Variants in CSMD2 observed in about 807,000 individuals in gnomAD.
The protein encoded by CSMD2 is CUB and Sushi multiple domains 2.
In CSMD2, 130 loss-of-function variants were observed where a neutral mutation model predicts 398.5. The observed-to-expected ratio is 0.33, with a 90% CI of 0.28 to 0.38. CSMD2 has a LOEUF of 0.38. Among genes scored for constraint, CSMD2 ranks in the 10% least tolerant of loss-of-function variants. The probability of loss-of-function intolerance (pLI) is 1.00; values close to 1 mark genes in which losing one functional copy is unlikely to be tolerated. For missense variants in CSMD2, 3,829 were observed against 4,764.9 expected (o/e 0.80, Z 5.78); for synonymous variants, 1,828 against 1,908.5 (o/e 0.96, Z 1.10).
At chr1:34,013,609 C>G (rs535560693) in intron 3 of CSMD2, among the ~76,000 whole-genome samples, 1 of 152,250 alleles carries the variant, frequency 6.6e-6, no homozygotes, top group South Asian at 2.1e-4. Flanking sequence ...TGATCTGCCC[C>G]TTCTTAGACC....
At chr1:33,894,573 G>C (rs550301739) in intron 5 of CSMD2, among the ~76,000 whole-genome samples, 2 of 152,148 alleles carry the variant, frequency 1.3e-5, no homozygotes. Flanking sequence ...GTCCCTGTGG[G>C]ATTATGGCCC....
intron 5 of CSMD2, among the ~76,000 whole-genome samples, chr1:33,881,420 T>C (rs548680493): frequency 2.0e-5 from 3 of 152,250 alleles, no homozygotes; most frequent in Non-Finnish European, 2.9e-5. Context: ...CCTGAATTAG[T>C]TCTTGAAAAA....
At chr1:33,532,571 C>G (rs1470847412) in intron 64 of CSMD2, among the ~76,000 whole-genome samples, 1 of 152,204 alleles carries the variant, frequency 6.6e-6, no homozygotes, top group Non-Finnish European at 1.5e-5. Context: ...TGTCTGTCTT[C>G]CACATGGCAG....
chr1:33,524,360 T>C (rs548577818), intron 66 of CSMD2, among the ~76,000 whole-genome samples: 34 of 152,252 alleles, frequency 2.2e-4, no homozygotes, highest in Non-Finnish European at 4.3e-4. Flanking sequence ...ATGTAATTAA[T>C]GGGTCCAATC....
intron 5 of CSMD2, chr1:33,864,673 G>A (rs759105562): frequency 3.5e-5 from 57 of 1,613,696 alleles, no homozygotes; most frequent in Non-Finnish European, 4.7e-5. Context: ...GAACTCTACC[G>A]TAAACAATGT....
intron 3 of CSMD2, among the ~76,000 whole-genome samples, chr1:34,011,997 T>G (rs1366038580): frequency 6.6e-6 from 1 of 152,186 alleles, no homozygotes; most frequent in Non-Finnish European, 1.5e-5. Context: ...CTACTGACAG[T>G]GAGACTATAA....
chr1:33,611,161 T>C lies in CSMD2; in HGVS notation c.6223A>G (p.Met2075Val). 1 of 1,614,034 alleles carries C rather than the reference T, an allele frequency of 6.2e-7. No individual in the cohort carries two copies. Among genetic ancestry groups the C allele is most frequent in the Non-Finnish European group, 8.5e-7 (1 of 1,180,006 alleles). Residue 2075 changes from methionine (M) to valine (V), a missense_variant, in exon 41 of 71, where the codon ATG becomes GTG. Around this residue, in one of 5 missense-constraint regions of CSMD2, gnomAD observed 2,001 missense variants for 2,567.1 expected, o/e 0.78. Coordinates refer to ENST00000373381, the MANE Select transcript of CSMD2 (RefSeq NM_001281956.2). Reference protein sequence around the residue: ...RNGPYETSRMMGRFSGSELPS... With the variant: ...RNGPYETSRMVGRFSGSELPS... ...AGCTCGCTTCCACTGAATCTTCCCA[T>C]CATGCGGCTGGTCTCATAGGGGCCA... is the stretch of plus-strand genomic sequence containing the variant.
intron 5 of CSMD2, among the ~76,000 whole-genome samples, chr1:33,880,048 G>C (rs533796386): frequency 2.0e-5 from 3 of 152,282 alleles, no homozygotes; most frequent in Non-Finnish European, 2.9e-5. Flanking sequence ...AGCTTGAAAG[G>C]TTAAGTAAAT....
chr1:33,724,637 A>G lies in CSMD2; in HGVS notation c.2763T>C (p.Asn921=). ...TCACCAGCGCGCCCACGTAGAAGTCATTCCCATGACGCTGTCCATTTACTG... is the reference window on the plus strand; with the variant it reads ...TCACCAGCGCGCCCACGTAGAAGTCGTTCCCATGACGCTGTCCATTTACTG... ...GIPVNGQRHG[N]DFYVGALVTF... Residue 921 remains asparagine (N), a synonymous_variant, in exon 18 of 71, where the codon AAT becomes AAC. Transcript: ENST00000373381. 1 of 1,614,190 alleles carries G rather than the reference A, an allele frequency of 6.2e-7. No homozygotes were observed. Among genetic ancestry groups the G allele is most frequent in the Non-Finnish European group, 8.5e-7 (1 of 1,180,034 alleles).
intron 55 of CSMD2, among the ~76,000 whole-genome samples, chr1:33,552,704 C>T (rs146064267): frequency 6.6e-6 from 1 of 151,906 alleles, no homozygotes; most frequent in African/African-American, 2.4e-5. Flanking sequence ...CATATAATTC[C>T]ATTTATATGA....
At chr1:33,859,442 C>T (rs1038447601) in intron 5 of CSMD2, among the ~76,000 whole-genome samples, 1 of 152,228 alleles carries the variant, frequency 6.6e-6, no homozygotes, top group Non-Finnish European at 1.5e-5. Context: ...CTGCCTTCCT[C>T]TTACAAAGGC....
intron 11 of CSMD2, among the ~76,000 whole-genome samples, chr1:33,792,131 C>A (rs1412897045): frequency 6.6e-6 from 1 of 152,142 alleles, no homozygotes; most frequent in East Asian, 1.9e-4. Context: ...ATGGAAGCAG[C>A]CAGCCAGTGG....
chr1:33,577,141 T>C (rs1031581445), intron 49 of CSMD2, among the ~76,000 whole-genome samples, 155 bp downstream of exon 49: 5 of 152,218 alleles, frequency 3.3e-5, no homozygotes, highest in Middle Eastern at 3.2e-3. Flanking sequence ...AACACTGAGA[T>C]TGCTACGCAC....
At chr1:33,724,122 G>A (rs1248216611) in intron 19 of CSMD2, 75 bp downstream of exon 19, 3 of 992,200 alleles carry the variant, frequency 3.0e-6, no homozygotes, top group Non-Finnish European at 4.8e-6. Flanking sequence ...TCCCCATTGA[G>A]GTCAACTTGA....
rs1393222270 is a variant in CSMD2, at chr1:34,165,151, A to C, written c.-54T>G. On this transcript the variant is annotated 5_prime_UTR_variant, in exon 1 of 71. Coordinates refer to ENST00000373381, the MANE Select transcript of CSMD2 (RefSeq NM_001281956.2). ...CTCCGCTCGCCGCCGAGGAGAAAGGAGGTCAGGAGAGCTCTGGAGCTTTTT... is the reference window on the plus strand; with the variant it reads ...CTCCGCTCGCCGCCGAGGAGAAAGGCGGTCAGGAGAGCTCTGGAGCTTTTT... The C allele has an allele frequency of 2.5e-6, 3 of 1,202,000 alleles. No individual in the cohort carries two copies. Among genetic ancestry groups the C allele is most frequent in the Non-Finnish European group, 3.1e-6 (3 of 968,594 alleles). 74.5% of individuals were successfully genotyped at this position (1,202,000 alleles called of 1,614,324 possible). A position where few individuals can be genotyped will look rare whatever the true frequency, so the allele number is the denominator to read the frequency against.
chr1:33,584,645 G>A (rs1246654638), intron 46 of CSMD2, among the ~76,000 whole-genome samples: 1 of 131,744 alleles, frequency 7.6e-6, no homozygotes, highest in African/African-American at 2.8e-5. Context: ...CCAGCCTGGC[G>A]ACAGAGTGAG....
intron 25 of CSMD2, among the ~76,000 whole-genome samples, chr1:33,672,876 C>A (rs1644560146): frequency 6.6e-6 from 1 of 152,184 alleles, no homozygotes; most frequent in African/African-American, 2.4e-5. Flanking sequence ...CTCCAGCAAA[C>A]TCCAACAGAC....
intron 31 of CSMD2, among the ~76,000 whole-genome samples, chr1:33,634,048 C>G (rs1642644019): frequency 6.6e-6 from 1 of 152,184 alleles, no homozygotes; most frequent in African/African-American, 2.4e-5. Context: ...GCCCACCTAC[C>G]AAGGATTCTG....
chr1:34,137,736 T>C (rs1157264071), intron 1 of CSMD2, among the ~76,000 whole-genome samples: 8 of 152,338 alleles, frequency 5.3e-5, no homozygotes, highest in South Asian at 2.1e-4. Context: ...GCAAGGAACC[T>C]AACATGTAAT....
Sources: allele counts gnomAD v4.1 joint callset (sites outside exome capture counted in the v4.1 genomes callset), GRCh38; gene constraint gnomAD v4.1.1; regional missense constraint gnomAD v4.1.1; transcripts MANE v1.5; gene names NCBI Gene and HGNC (gene_info 2026-07-23, HGNC 2026-07-21).